Variants in SV2C observed in about 807,000 individuals in gnomAD.
SV2C encodes synaptic vesicle glycoprotein 2C.
SV2C carries 49 observed loss-of-function variants against 79.7 expected under a neutral mutation model. That is an observed-to-expected ratio of 0.61 (90% CI 0.49 to 0.78). SV2C has a LOEUF of 0.78. SV2C is among the 30% of genes least tolerant of loss of function. The pLI is 0.00. For synonymous variants in SV2C, 334 were observed against 333.2 expected (o/e 1.00, Z -0.03); for missense variants, 833 against 912.9 (o/e 0.91, Z 1.13).
rs1194295860 is a variant in SV2C, at chr5:76,235,376, A to G, written c.913+25489A>G. Among the ~76,000 whole-genome samples, 5 of 152,318 alleles carry G rather than the reference A, an allele frequency of 3.3e-5. No individual in the cohort carries two copies. In the East Asian group the frequency reaches 9.6e-4, roughly 29 times the overall value. The stretch of plus-strand genomic sequence containing the variant: ...TGGATTTTTCTAAGGCATGATATAC[A>G]TTGGTTGGTAAAGGGAAAGCCAGCA... On this transcript the variant is annotated intron_variant, in intron 4 of 12. Transcript: ENST00000502798.
chr5:76,022,285 T>G, the SV2C span, among the ~76,000 whole-genome samples: 1 of 152,188 alleles, frequency 6.6e-6, no homozygotes, highest in South Asian at 2.1e-4. Context: ...TGCCCATGAG[T>G]GACAGATGCC....
At chr5:76,130,549 T>C (rs1327975025) in intron 1 of SV2C, among the ~76,000 whole-genome samples, 6 of 152,112 alleles carry the variant, frequency 3.9e-5, no homozygotes, top group Non-Finnish European at 5.9e-5. Context: ...GAGTTAATGA[T>C]GGGGGAGAAA....
At chr5:76,204,760 T>C (rs1744559743) in intron 3 of SV2C, among the ~76,000 whole-genome samples, 1 of 152,086 alleles carries the variant, frequency 6.6e-6, no homozygotes, top group South Asian at 2.1e-4. Context: ...CCTAAACCCC[T>C]CCCCACCTTT....
At chr5:76,055,368 C>T in the SV2C span, among the ~76,000 whole-genome samples, 13 of 151,884 alleles carry the variant, frequency 8.6e-5, no homozygotes, top group South Asian at 2.1e-4. Context: ...AGATCTGTTA[C>T]GTACCAGTAC....
intron 4 of SV2C, among the ~76,000 whole-genome samples, chr5:76,257,107 A>G (rs548631253): frequency 4.0e-4 from 54 of 134,698 alleles, no homozygotes; most frequent in African/African-American, 1.3e-3. Flanking sequence ...GATGTGCCGT[A>G]AACTTCCAGA....
chr5:76,148,226 A>G (rs571249789), intron 2 of SV2C, among the ~76,000 whole-genome samples: 1 of 152,132 alleles, frequency 6.6e-6, no homozygotes, highest in East Asian at 1.9e-4. Context: ...TTTTTTTCAA[A>G]CCGCAAATAG....
At chr5:76,268,752 C>G (rs938019552) in intron 4 of SV2C, among the ~76,000 whole-genome samples, 6 of 152,180 alleles carry the variant, frequency 3.9e-5, no homozygotes, top group Non-Finnish European at 7.4e-5. Flanking sequence ...CTTCTTTACT[C>G]TTTTTACTCT....
At chr5:76,181,088 C>T (rs1029938939) in intron 2 of SV2C, among the ~76,000 whole-genome samples, 4 of 90,978 alleles carry the variant, frequency 4.4e-5, no homozygotes, top group African/African-American at 2.3e-4. Flanking sequence ...TTTCCATTGC[C>T]TCTCAGCCAT....
intron 2 of SV2C, chr5:76,171,085 G>A: frequency 1.0e-5 from 1 of 99,528 alleles, no homozygotes; most frequent in Non-Finnish European, 1.7e-5. Flanking sequence ...CGGGCCCCGC[G>A]GGGCCCGAGG....
At chr5:75,982,237 AG>A in the SV2C span, among the ~76,000 whole-genome samples, 2 of 140,916 alleles carry the variant, frequency 1.4e-5, no homozygotes, top group Middle Eastern at 3.3e-3. Flanking sequence ...AAAAATAAAA[AG>A]AAAAAAAAAA....
chr5:76,132,055 C>A lies in SV2C; in HGVS notation c.305C>A (p.Ala102Glu). 6.2e-7 allele frequency: 1 copy of A among 1,611,036 alleles called. No homozygotes were observed. Among genetic ancestry groups the A allele is most frequent in the Non-Finnish European group, 8.5e-7 (1 of 1,178,336 alleles). The change falls in exon 2 of 13, where the codon GCG becomes GAG. Residue 102 changes from alanine to glutamate, a missense_variant. Transcript: ENST00000502798. ...CAGGGCATCCCCAGTATGAACCAAG[C>A]GAAGGACAGCATCGTGTCAGTGGGG... ...EYQGIPSMNQ[A>E]KDSIVSVGQP...
chr5:76,124,977 T>G (rs1748652736), intron 1 of SV2C, among the ~76,000 whole-genome samples: 1 of 152,208 alleles, frequency 6.6e-6, no homozygotes, highest in Non-Finnish European at 1.5e-5. Flanking sequence ...CACAAAAGTT[T>G]ATATATGCAA....
the SV2C span, among the ~76,000 whole-genome samples, chr5:76,032,974 G>T: frequency 6.6e-6 from 1 of 152,154 alleles, no homozygotes; most frequent in African/African-American, 2.4e-5. Flanking sequence ...TTGTGGTTTT[G>T]ATTTGCATTT....
chr5:76,049,543 A>T, the SV2C span, among the ~76,000 whole-genome samples: 2 of 152,184 alleles, frequency 1.3e-5, no homozygotes, highest in African/African-American at 2.4e-5. Context: ...TAATTGAAGA[A>T]GAAATTTCTG....
chr5:76,155,880 T>C (rs1407204625), intron 2 of SV2C, among the ~76,000 whole-genome samples: 5 of 145,308 alleles, frequency 3.4e-5, no homozygotes, highest in African/African-American at 1.3e-4. Flanking sequence ...CTCAGTATCT[T>C]ACCAAAGGAG....
chr5:76,091,612 C>T (rs1200412659), intron 1 of SV2C: 2 of 152,126 alleles, frequency 1.3e-5, no homozygotes, highest in Non-Finnish European at 2.9e-5. Context: ...AATCAGTTCC[C>T]CTCTCTAATG....
At chr5:75,906,869 G>T in the SV2C span, among the ~76,000 whole-genome samples, 4 of 152,168 alleles carry the variant, frequency 2.6e-5, no homozygotes, top group African/African-American at 7.2e-5. Context: ...ATTTTTGGTT[G>T]TCACAACTGG....
chr5:76,091,217 A>C (rs1351512473), intron 1 of SV2C, among the ~76,000 whole-genome samples: 1 of 152,232 alleles, frequency 6.6e-6, no homozygotes, highest in Non-Finnish European at 1.5e-5. Flanking sequence ...TGAAGCATCC[A>C]ATTAAATCTG....
At chr5:76,300,123 C>A (rs375697631) in intron 10 of SV2C, among the ~76,000 whole-genome samples, 2 of 151,104 alleles carry the variant, frequency 1.3e-5, no homozygotes, top group Admixed American at 1.3e-4. Context: ...AGTACAGTGG[C>A]GCAATCACAG....
Sources: gnomAD v4.1 joint callset for allele counts (sites outside exome capture counted in the v4.1 genomes callset) on GRCh38, gnomAD v4.1.1 for gene constraint, MANE v1.5 for transcripts, NCBI Gene and HGNC (gene_info 2026-07-23, HGNC 2026-07-21) for gene names.